ATRNL1: variants seen among roughly 807,000 people sequenced by gnomAD.
ATRNL1 encodes attractin-like protein 1.
ATRNL1 carries 95 observed loss-of-function variants against 182.7 expected under a neutral mutation model. The ratio of observed to expected loss-of-function variants is 0.52; its 90% confidence interval spans 0.44 to 0.62. ATRNL1 has a LOEUF of 0.62. Ranked by LOEUF, ATRNL1 falls within the 20% of genes least tolerant of loss-of-function variation. The pLI is 0.00. For synonymous variants in ATRNL1, 576 were observed against 568.3 expected (o/e 1.01, Z -0.19); for missense variants, 1,471 against 1,679.5 (o/e 0.88, Z 2.17).
In ATRNL1 at chr10:115,266,540, G is replaced by C. The variant is rs148565438; in HGVS notation, c.1773-257G>C. 5.0e-3 allele frequency among the ~76,000 whole-genome samples: 760 copies of C among 151,212 alleles called. 5 individuals carry two copies. The highest frequency in any genetic ancestry group is 0.016 in the African/African-American group (673 of 41,370). Reference sequence around the variant, plus strand: ...CAATAAAACATGTTTTGAAGACTTAGTGTTTTCTTAATATATTAAGATTTA... The same window carrying C: ...CAATAAAACATGTTTTGAAGACTTACTGTTTTCTTAATATATTAAGATTTA... On this transcript the variant is annotated intron_variant, in intron 11 of 28. Coordinates refer to ENST00000355044, the MANE Select transcript of ATRNL1 (RefSeq NM_207303.4).
chr10:115,631,315 A>G (rs1008935281), intron 26 of ATRNL1, among the ~76,000 whole-genome samples: 40 of 152,114 alleles, frequency 2.6e-4, no homozygotes, highest in African/African-American at 9.4e-4. Flanking sequence ...ATCAAAATAT[A>G]TTGTATACCT....
chr10:115,837,929 T>TA (rs1456791828), intron 27 of ATRNL1, among the ~76,000 whole-genome samples: 1 of 152,220 alleles, frequency 6.6e-6, no homozygotes, highest in African/African-American at 2.4e-5. Flanking sequence ...TTTTGACTTT[T>TA]AAAAATTGCA....
intron 27 of ATRNL1, among the ~76,000 whole-genome samples, chr10:115,817,877 GTTTTT>G (rs35087740): frequency 1.6e-3 from 215 of 133,874 alleles, no homozygotes; most frequent in East Asian, 3.9e-3. Context: ...TTTACGTTGT[GTTTTT>G]TTTTTTTTTT....
At chr10:115,836,221 C>G (rs1232127558) in intron 27 of ATRNL1, among the ~76,000 whole-genome samples, 1 of 152,146 alleles carries the variant, frequency 6.6e-6, no homozygotes, top group Non-Finnish European at 1.5e-5. Context: ...GCTAGTTTCT[C>G]AAGTGCAAGT....
chr10:115,491,608 G>T (rs894514289), intron 24 of ATRNL1, among the ~76,000 whole-genome samples: 2 of 152,102 alleles, frequency 1.3e-5, no homozygotes, highest in African/African-American at 4.8e-5. Context: ...CACCAAGCTG[G>T]AGCATCCCAG....
At chr10:115,556,493 A>T (rs1853320613) in intron 26 of ATRNL1, among the ~76,000 whole-genome samples, 1 of 152,186 alleles carries the variant, frequency 6.6e-6, no homozygotes, top group African/African-American at 2.4e-5. Flanking sequence ...AGACAATGAA[A>T]ACTACATCAC....
At chr10:115,366,840 A>G (rs1426991226) in intron 19 of ATRNL1, among the ~76,000 whole-genome samples, 2 of 145,368 alleles carry the variant, frequency 1.4e-5, no homozygotes, top group African/African-American at 5.3e-5. Context: ...AATGTTGAAT[A>G]TTGGCCCCCA....
Position 115,484,233 on chromosome 10 carries a change from G to C in ATRNL1, c.3654+14904G>C, listed in dbSNP as rs956235942. Reference sequence around the variant, plus strand: ...AGTATTCTGCAAATTACCAAATGCTGTTATTAAATATTATGTTTTTTCATT... The same window carrying C: ...AGTATTCTGCAAATTACCAAATGCTCTTATTAAATATTATGTTTTTTCATT... On this transcript the variant is annotated intron_variant, in intron 24 of 28. Coordinates refer to ENST00000355044, the MANE Select transcript of ATRNL1 (RefSeq NM_207303.4). 4.6e-5 allele frequency among the ~76,000 whole-genome samples: 7 copies of C among 150,686 alleles called. No homozygotes were observed. The East Asian group carries it at 1.2e-3, about 25-fold the overall frequency.
chr10:115,808,731 C>T (rs1452675148), intron 27 of ATRNL1, among the ~76,000 whole-genome samples: 2 of 152,078 alleles, frequency 1.3e-5, no homozygotes, highest in Non-Finnish European at 2.9e-5. Context: ...TATTGGGTAC[C>T]TTATGGTGAT....
chr10:115,859,657 T>C (rs1951267241), intron 28 of ATRNL1, among the ~76,000 whole-genome samples: 1 of 152,118 alleles, frequency 6.6e-6, no homozygotes, highest in Non-Finnish European at 1.5e-5. Context: ...AATCCAGAAG[T>C]ATGTTCAAGT....
chr10:115,323,033 T>A (rs546016523), intron 18 of ATRNL1, among the ~76,000 whole-genome samples: 1 of 152,094 alleles, frequency 6.6e-6, no homozygotes, highest in Non-Finnish European at 1.5e-5. Context: ...TTCATCAAAT[T>A]TGAGTTTTCA....
At chr10:115,901,651 TC>T (rs1301465744) in intron 28 of ATRNL1, among the ~76,000 whole-genome samples, 1 of 151,254 alleles carries the variant, frequency 6.6e-6, no homozygotes, top group Non-Finnish European at 1.5e-5. Context: ...ACAGTTTAGT[TC>T]ATTGCAAACC....
intron 5 of ATRNL1, among the ~76,000 whole-genome samples, chr10:115,150,110 A>G (rs1469939210): frequency 2.0e-5 from 3 of 151,826 alleles, no homozygotes; most frequent in Non-Finnish European, 2.9e-5. Flanking sequence ...GATTTTCTCT[A>G]TGTTTTCCAG....
intron 26 of ATRNL1, among the ~76,000 whole-genome samples, chr10:115,600,131 A>G (rs952142862): frequency 1.3e-5 from 2 of 152,052 alleles, no homozygotes; most frequent in African/African-American, 2.4e-5. Flanking sequence ...CATCTTAACA[A>G]TGTTGAGATA....
chr10:115,845,567 A>G (rs1950909129), intron 27 of ATRNL1, among the ~76,000 whole-genome samples: 1 of 152,078 alleles, frequency 6.6e-6, no homozygotes, highest in African/African-American at 2.4e-5. Context: ...GCAGAAAGAT[A>G]GCCTGGCAAA....
intron 26 of ATRNL1, among the ~76,000 whole-genome samples, chr10:115,592,102 A>G (rs1855943486): frequency 6.6e-6 from 1 of 152,182 alleles, no homozygotes; most frequent in Non-Finnish European, 1.5e-5. Flanking sequence ...TCTCACTTCT[A>G]AGTGGGAGCT....
chr10:115,297,122 C>T (rs1554922867), intron 15 of ATRNL1, among the ~76,000 whole-genome samples: 1 of 33,558 alleles, frequency 3.0e-5, no homozygotes. Flanking sequence ...AGAGAAATGC[C>T]TAAGTCTTTT....
intron 18 of ATRNL1, among the ~76,000 whole-genome samples, chr10:115,332,372 G>C (rs1354497667): frequency 2.0e-5 from 3 of 152,114 alleles, no homozygotes; most frequent in African/African-American, 7.2e-5. Context: ...ATGTGTGAGT[G>C]GTTGTTCAAA....
rs1013400519 is a variant in ATRNL1, at chr10:115,448,880, A to G, written c.3323-13061A>G. Among the ~76,000 whole-genome samples, 70 of 152,102 alleles carry G rather than the reference A, an allele frequency of 4.6e-4. 1 individual carries two copies. The highest frequency in any genetic ancestry group is 1.0e-4 in the Non-Finnish European group (7 of 68,022). On this transcript the variant is annotated intron_variant, in intron 21 of 28. Transcript: ENST00000355044. ...CAACAACAACAACAACAACAACAACAACAACAACAACAAGCATAGGTCCTG... is the reference window on the plus strand; with the variant it reads ...CAACAACAACAACAACAACAACAACGACAACAACAACAAGCATAGGTCCTG...
Sources: allele counts gnomAD v4.1 joint callset (sites outside exome capture counted in the v4.1 genomes callset), GRCh38; gene constraint gnomAD v4.1.1; transcripts MANE v1.5; gene names NCBI Gene and HGNC (gene_info 2026-07-23, HGNC 2026-07-21).